The following PTPRT variants were observed in gnomAD, a reference collection of about 807,000 sequenced individuals.
PTPRT encodes the protein receptor-type tyrosine-protein phosphatase T.
In PTPRT, 56 loss-of-function variants were observed where a neutral mutation model predicts 176.8. The ratio of observed to expected loss-of-function variants is 0.32; its 90% CI spans 0.26 to 0.40. The LOEUF (loss-of-function observed/expected upper bound fraction) is 0.40. Ranked by LOEUF, PTPRT falls within the 10% of genes least tolerant of loss-of-function variation. PTPRT has a pLI of 1.00. For missense variants in PTPRT, 1,540 were observed against 1,908.2 expected, an observed-to-expected ratio of 0.81 and a Z score of 3.60; for synonymous variants, 783 against 739.0, an observed-to-expected ratio of 1.06 and a Z score of -0.96.
chr20:42,882,393 T>C (rs1171858506), intron 2 of PTPRT, among the ~76,000 whole-genome samples: 2 of 152,162 alleles, frequency 1.3e-5, no homozygotes, highest in African/African-American at 4.8e-5. Context: ...CACCCTGCCA[T>C]AATGAGGGGC....
chr20:42,462,442 A>G (rs1189825525), intron 8 of PTPRT, among the ~76,000 whole-genome samples: 1 of 152,156 alleles, frequency 6.6e-6, no homozygotes, highest in Non-Finnish European at 1.5e-5. Flanking sequence ...ATAGCTGGAA[A>G]TGAGAATGAG....
intron 6 of PTPRT, among the ~76,000 whole-genome samples, chr20:42,732,888 G>T (rs1250722200): frequency 6.6e-6 from 1 of 152,148 alleles, no homozygotes; most frequent in East Asian, 1.9e-4. Flanking sequence ...CACTACAAAA[G>T]ATCCCTGGAT....
intron 1 of PTPRT, among the ~76,000 whole-genome samples, chr20:42,983,973 A>G (rs1173789221): frequency 6.6e-6 from 1 of 152,192 alleles, no homozygotes; most frequent in Non-Finnish European, 1.5e-5. Context: ...CCCAGCCTGG[A>G]GCTGACTGGT....
At chr20:43,043,048 C>A (rs1237833346) in intron 1 of PTPRT, among the ~76,000 whole-genome samples, 2 of 152,162 alleles carry the variant, frequency 1.3e-5, no homozygotes, top group African/African-American at 4.8e-5. Flanking sequence ...ATACAGACAA[C>A]CTGTAAGCAC....
At chr20:42,163,221 G>C (rs539740823) in intron 16 of PTPRT, among the ~76,000 whole-genome samples, 1 of 152,178 alleles carries the variant, frequency 6.6e-6, no homozygotes, top group Non-Finnish European at 1.5e-5. Context: ...ATCGTAGGCA[G>C]AGTGTGGTCT....
chr20:42,558,442 T>C (rs2072897843), intron 7 of PTPRT, among the ~76,000 whole-genome samples: 1 of 152,142 alleles, frequency 6.6e-6, no homozygotes, highest in Non-Finnish European at 1.5e-5. Context: ...CACATGTATG[T>C]GTGTTTATAA....
At chr20:42,114,316 T>C (rs1323900178) in intron 22 of PTPRT, among the ~76,000 whole-genome samples, 2 of 152,198 alleles carry the variant, frequency 1.3e-5, no homozygotes, top group Non-Finnish European at 2.9e-5. Flanking sequence ...GCTTACCTTA[T>C]AGGGTTATTG....
intron 7 of PTPRT, among the ~76,000 whole-genome samples, chr20:42,508,114 GTAATTAC>G (rs145466449): frequency 0.14 from 20,605 of 146,750 alleles, 3,573 homozygotes; most frequent in African/African-American, 0.43. Flanking sequence ...AATAAAATCA[GTAATTAC>G]CCTTTTTGTG....
intron 1 of PTPRT, among the ~76,000 whole-genome samples, chr20:42,981,565 G>C (rs1006547160): frequency 1.3e-5 from 2 of 152,212 alleles, no homozygotes; most frequent in South Asian, 4.1e-4. Context: ...GGATGAACCT[G>C]ACCTAGCCTG....
chr20:43,095,249 C>T (rs1305058011), intron 1 of PTPRT, among the ~76,000 whole-genome samples: 1 of 152,132 alleles, frequency 6.6e-6, no homozygotes, highest in African/African-American at 2.4e-5. Flanking sequence ...AGCAGTTTCA[C>T]ACCCAGTGAT....
chr20:42,439,140 A>G (rs2059289495), intron 9 of PTPRT, among the ~76,000 whole-genome samples: 1 of 152,210 alleles, frequency 6.6e-6, no homozygotes, highest in African/African-American at 2.4e-5. Flanking sequence ...TCTGGAGGGG[A>G]AACATCTTAT....
At chr20:42,172,456 C>T (rs1990117226) in intron 16 of PTPRT, among the ~76,000 whole-genome samples, 1 of 152,230 alleles carries the variant, frequency 6.6e-6, no homozygotes, top group Non-Finnish European at 1.5e-5. Context: ...CCCTGAGACA[C>T]ATCTCAAGAC....
intron 10 of PTPRT, among the ~76,000 whole-genome samples, chr20:42,351,685 AATTCATTC>A (rs56938076): frequency 0.6 from 90,776 of 150,818 alleles, 27,807 homozygotes; most frequent in East Asian, 0.88. Flanking sequence ...CTATAATAGT[AATTCATTC>A]ATTCATTCAT....
chr20:42,524,642 T>A (rs893289728), intron 7 of PTPRT, among the ~76,000 whole-genome samples: 2 of 152,206 alleles, frequency 1.3e-5, no homozygotes, highest in African/African-American at 4.8e-5. Flanking sequence ...TAAACTGGCT[T>A]TTTGAAACTG....
chr20:42,362,508 G>T (rs2145567465), intron 9 of PTPRT, among the ~76,000 whole-genome samples: 1 of 152,180 alleles, frequency 6.6e-6, no homozygotes, highest in East Asian at 1.9e-4. Context: ...AATAAAGACT[G>T]AAAGGCTGAG....
intron 1 of PTPRT, among the ~76,000 whole-genome samples, chr20:42,960,203 A>G (rs1981907881): frequency 1.3e-5 from 2 of 152,190 alleles, no homozygotes; most frequent in African/African-American, 4.8e-5. Flanking sequence ...CTGCTGATAC[A>G]ACAAAATACC....
rs11477690 is a variant in PTPRT, at chr20:42,263,371, CTTTTTTTTTTTTTTTT to C, written c.2177-14565_2177-14550del. 9.8e-5 allele frequency among the ~76,000 whole-genome samples: 5 copies of C among 50,974 alleles called. No homozygotes were observed. The East Asian group carries it at 1.3e-3, about 14-fold the overall frequency. 33.4% of individuals were successfully genotyped at this position (50,974 alleles called of 152,430 possible). A position where few individuals can be genotyped will look rare whatever the true frequency, so the allele number is the denominator to read the frequency against. On this transcript the variant is annotated intron_variant, in intron 13 of 30. Transcript: ENST00000373187. ...CACAGGCATGCGCTGCCATGCCTGG[CTTTTTTTTTTTTTTTT>C]TTTTTTTTTTTGAGACGGAGTCTTG...
chr20:42,675,763 G>C (rs978596175), intron 7 of PTPRT, among the ~76,000 whole-genome samples: 6 of 152,206 alleles, frequency 3.9e-5, no homozygotes, highest in Non-Finnish European at 7.3e-5. Context: ...CTGTGATGTT[G>C]TGCTTTGATG....
At chr20:42,965,578 C>G (rs778136533) in intron 1 of PTPRT, among the ~76,000 whole-genome samples, 2 of 152,118 alleles carry the variant, frequency 1.3e-5, no homozygotes, top group Non-Finnish European at 1.5e-5. Flanking sequence ...CTCTTATGAG[C>G]AGGTACCAGG....
Sources: allele counts gnomAD v4.1 joint callset (sites outside exome capture counted in the v4.1 genomes callset), GRCh38; gene constraint gnomAD v4.1.1; transcripts MANE v1.5; gene names NCBI Gene and HGNC (gene_info 2026-07-23, HGNC 2026-07-21).